SETD1A: variants seen among roughly 807,000 people sequenced by gnomAD.
SETD1A encodes the protein histone-lysine N-methyltransferase SETD1A.
SETD1A carries 29 observed loss-of-function variants against 149.9 expected under a neutral mutation model. The observed-to-expected ratio is 0.19, with a 90% CI of 0.14 to 0.26. The LOEUF (loss-of-function observed/expected upper bound fraction) is 0.26. Ranked by LOEUF, SETD1A falls within the 10% of genes least tolerant of loss-of-function variation. The pLI is 1.00. For missense variants in SETD1A, 2,109 were observed against 2,353.1 expected, an observed-to-expected ratio of 0.90 and a Z score of 2.15; for synonymous variants, 1,141 against 968.5, an observed-to-expected ratio of 1.18 and a Z score of -3.31.
At chr16:30,981,259 C>G (rs898958205) in intron 17 of SETD1A, 79 bp downstream of exon 17, 1 of 1,566,324 alleles carries the variant, frequency 6.4e-7, no homozygotes, top group Non-Finnish European at 8.7e-7. Flanking sequence ...GCTGTTTGTC[C>G]GGTTAAAGCC....
In SETD1A at chr16:30,965,676, A is replaced by T. The variant is rs1567353200; in HGVS notation, c.1795A>T (p.Thr599Ser). Residue 599 changes from threonine to serine, a missense_variant, in exon 8 of 19, where the codon ACG (threonine) becomes TCG (serine). By Grantham distance (58) the Thr-to-Ser change is moderately conservative. Coordinates refer to ENST00000262519, the MANE Select transcript of SETD1A (RefSeq NM_014712.3). ...GGGTGGCTCACCCCCTCCGGCCCCG[A>T]CGCCCCCTCAGCAGCCTCCGCCACC... Reference protein sequence around the residue: ...DRGGSPPPAPTPPQQPPPPPP... With the variant: ...DRGGSPPPAPSPPQQPPPPPP... 1.5e-6 allele frequency: 2 copies of T among 1,299,704 alleles called. No individual in the cohort carries two copies. The highest frequency in any genetic ancestry group is 8.1e-5 in the East Asian group (2 of 24,602). The allele number at this position is 1,299,704 out of a possible 1,614,324, so 80.5% of individuals were successfully genotyped here. A position where few individuals can be genotyped will look rare whatever the true frequency, so the allele number is the denominator to read the frequency against.
intron 3 of SETD1A, among the ~76,000 whole-genome samples, chr16:30,960,963 G>C (rs112253515): frequency 2.4e-3 from 366 of 151,702 alleles, no homozygotes; most frequent in African/African-American, 8.5e-3. Flanking sequence ...GGCTGGTCTT[G>C]AACTCCTGAC....
Position 30,975,096 on chromosome 16 carries a change from C to T in SETD1A, c.3358+3377C>T, listed in dbSNP as rs535924011. The stretch of plus-strand genomic sequence containing the variant: ...CGGGGAAGCAGAAGTAGCCATGAGC[C>T]GAGATCGTGCCACTGCACTCCAGCC... On this transcript the variant is annotated intron_variant, in intron 13 of 18. Coordinates refer to ENST00000262519, the MANE Select transcript of SETD1A (RefSeq NM_014712.3). Among the ~76,000 whole-genome samples the T allele has an allele frequency of 5.3e-5, 8 of 151,650 alleles. No individual in the cohort carries two copies. The East Asian group carries it at 7.8e-4, about 15-fold the overall frequency.
chr16:30,981,235 G>A, intron 17 of SETD1A, 55 bp downstream of exon 17: 2 of 1,604,406 alleles, frequency 1.2e-6, no homozygotes, highest in East Asian at 2.2e-5. Flanking sequence ...GACAGCATGG[G>A]GGCTCACACA....
At chr16:30,958,516 A>G (rs2055998445) in intron 1 of SETD1A, 1 of 579,702 alleles carries the variant, frequency 1.7e-6, no homozygotes, top group Non-Finnish European at 3.1e-6. Context: ...CTGACAGTAG[A>G]GTTGGGAGGT....
Position 30,967,455 on chromosome 16 carries a change from G to T in SETD1A, c.2683-46G>T, listed in dbSNP as rs112091682. On this transcript the variant is annotated intron_variant, in intron 9 of 18. Transcript: ENST00000262519. ...AGGAGTGAGCCACCGTGCTCTGCCT[G>T]AGTGTTTGAGCTCTAAACAGGCCCC... is the stretch of plus-strand genomic sequence containing the variant. The T allele has an allele frequency of 3.2e-5, 50 of 1,565,982 alleles. No individual in the cohort carries two copies. In the African/African-American group the frequency reaches 4.1e-4, roughly 13 times the overall value.
At chr16:30,976,006 C>T (rs1451819366) in intron 13 of SETD1A, among the ~76,000 whole-genome samples, 2 of 151,814 alleles carry the variant, frequency 1.3e-5, no homozygotes, top group Admixed American at 6.6e-5. Context: ...TTATACCCTT[C>T]GGTGGGGAGG....
In SETD1A at chr16:30,966,031, C is replaced by A. The variant is rs201417801; in HGVS notation, c.2150C>A (p.Pro717Gln). The A allele has an allele frequency of 6.4e-7, 1 of 1,565,662 alleles. No homozygotes were observed. ...GGGGCCTTTGGGGAGGCCTTCCTCC[C>A]GTTTCCACCCCCGCAGGAGGCAGCC... ...PGGAFGEAFL[P>Q]FPPPQEAAYG... is the part of the protein sequence containing the mutation. Residue 717 changes from proline to glutamine, a missense_variant, in exon 8 of 19, where the codon CCG becomes CAG. By Grantham distance (76) the Pro-to-Gln change is moderately conservative. Around this residue, in one of 8 missense-constraint regions of SETD1A, gnomAD observed 431 missense variants for 388.6 expected, o/e 1.11. Transcript: ENST00000262519.
Position 30,967,502 on chromosome 16 carries a change from T to G in SETD1A, c.2684T>G (p.Val895Gly). ...RGALRLPSFK[V>G]KRKEPSEISE... ...CCCCATCTTTTCCCCATCCCCCAGG[T>G]AAAGCGGAAAGAGCCATCGGAAATT... The change falls in exon 10 of 19, where the codon GTA becomes GGA. Residue 895 changes from valine (V) to glycine (G), a missense_variant and splice_region_variant. Physicochemically the swap from Val to Gly is moderately radical, Grantham distance 109. Coordinates refer to ENST00000262519, the MANE Select transcript of SETD1A (RefSeq NM_014712.3). The G allele has an allele frequency of 1.2e-6, 2 of 1,613,596 alleles. No individual in the cohort carries two copies. The highest frequency in any genetic ancestry group is 1.7e-6 in the Non-Finnish European group (2 of 1,179,766).
rs1192265472 is a variant in SETD1A at position 30,964,252 on chromosome 16, G to T, written c.798G>T (p.Gln266His). ...CTTCCTTTGGCCAGTTCACACCTCA[G>T]TCCTCCCAAGGAACCCCCTACACGT... is the stretch of plus-strand genomic sequence containing the variant. Reference protein sequence around the residue: ...TPSSFGQFTPQSSQGTPYTSR... With the variant: ...TPSSFGQFTPHSSQGTPYTSR... Residue 266 changes from glutamine (Q) to histidine (H), a missense_variant, in exon 6 of 19, where the codon CAG becomes CAT. By Grantham distance (24) the Gln-to-His change is conservative. Around this residue, in one of 8 missense-constraint regions of SETD1A, gnomAD observed 410 missense variants for 394.8 expected, o/e 1.04. Coordinates refer to ENST00000262519, the MANE Select transcript of SETD1A (RefSeq NM_014712.3). 1.2e-6 allele frequency: 2 copies of T among 1,613,822 alleles called. No individual in the cohort carries two copies. Among genetic ancestry groups the T allele is most frequent in the Non-Finnish European group, 1.7e-6 (2 of 1,179,970 alleles).
chr16:30,960,051 C>T (rs749004982), intron 3 of SETD1A, among the ~76,000 whole-genome samples: 2 of 152,206 alleles, frequency 1.3e-5, no homozygotes, highest in Admixed American at 6.6e-5. Flanking sequence ...CCTTTTCTCT[C>T]TCAGTTGGTC....
At position 30,971,784 on chromosome 16, in the gene SETD1A, G is replaced by C; in HGVS notation, c.3358+65G>C. ...TGAGAGAGAGAGAGAAAACAGTGGT[G>C]CTTGCATTTATTGTGTACAAGTGTG... On this transcript the variant is annotated intron_variant, in intron 13 of 18. Coordinates refer to ENST00000262519, the MANE Select transcript of SETD1A (RefSeq NM_014712.3). The C allele has an allele frequency of 4.7e-6, 7 of 1,495,152 alleles. No individual in the cohort carries two copies. The South Asian group carries it at 9.5e-5, about 20-fold the overall frequency. 92.6% of individuals were successfully genotyped at this position (1,495,152 alleles called of 1,614,324 possible). A position where few individuals can be genotyped will look rare whatever the true frequency, so the allele number is the denominator to read the frequency against.
At chr16:30,967,993 T>A (rs1311299547) in intron 10 of SETD1A, among the ~76,000 whole-genome samples, 1 of 152,176 alleles carries the variant, frequency 6.6e-6, no homozygotes, top group Non-Finnish European at 1.5e-5. Context: ...TTGAGTCAGA[T>A]CTGCTTCCCT....
At position 30,961,573 on chromosome 16, in the gene SETD1A, T is replaced by A. The variant is rs1286291935; in HGVS notation, c.517+36T>A. 2 of 1,604,150 alleles carry A rather than the reference T, an allele frequency of 1.2e-6. No homozygotes were observed. The highest frequency in any genetic ancestry group is 1.8e-5 in the Admixed American group (1 of 57,040). On this transcript the variant is annotated intron_variant, in intron 4 of 18. Transcript: ENST00000262519. The surrounding 1 kb of genome is among the most constrained non-coding windows in gnomAD (Gnocchi z 4.0). Reference sequence around the variant, plus strand: ...CTCTGCCTGCCACTCAGGCTTGGCCTCCAGCGGAGGTTGTACATGCAAATG... The same window carrying A: ...CTCTGCCTGCCACTCAGGCTTGGCCACCAGCGGAGGTTGTACATGCAAATG...
Position 30,979,994 on chromosome 16 carries a change from C to CG in SETD1A, c.4208_4209insG (p.Pro1404SerfsTer17). The CG allele has an allele frequency of 1.1e-5, 17 of 1,486,916 alleles. No homozygotes were observed. Among genetic ancestry groups the CG allele is most frequent in the Non-Finnish European group, 1.5e-5 (17 of 1,121,786 alleles). 92.1% of individuals were successfully genotyped at this position (1,486,916 alleles called of 1,614,324 possible). On this transcript the variant is annotated frameshift_variant, in exon 14 of 19. Transcript: ENST00000262519. LOFTEE classifies it high-confidence loss of function. The stretch of plus-strand genomic sequence containing the variant: ...CGCTCCCACGCCCGGCGCCGCCGCC[C>CG]TCCGCCCCCACCCCCGCCGCCACCG...
chr16:30,969,562 G>A (rs973085764), intron 11 of SETD1A, 40 bp from the exon 12 acceptor site: 2 of 1,605,060 alleles, frequency 1.2e-6, no homozygotes, highest in East Asian at 2.2e-5. Context: ...AGGACCAGTT[G>A]TCCCCTTCCT....
In SETD1A at chr16:30,969,466, A is replaced by T; in HGVS notation, c.2928+4A>T. ...CCAGGAGTCCTCCTCGGAGAAGGTG[A>T]GGGCCCGGGCGCCGGCTCCTGGCCG... On this transcript the variant is annotated splice_donor_region_variant and intron_variant, in intron 11 of 18. Coordinates refer to ENST00000262519, the MANE Select transcript of SETD1A (RefSeq NM_014712.3). The T allele has an allele frequency of 6.2e-7, 1 of 1,607,372 alleles. No individual in the cohort carries two copies. The highest frequency in any genetic ancestry group is 8.5e-7 in the Non-Finnish European group (1 of 1,176,658).
chr16:30,971,157 G>A (rs1298769855), intron 12 of SETD1A, among the ~76,000 whole-genome samples: 2 of 152,182 alleles, frequency 1.3e-5, no homozygotes, highest in South Asian at 2.1e-4. Context: ...TTTCCTTTTC[G>A]GGCCTCTTCA....
rs201102613 is a variant in SETD1A at position 30,965,306 on chromosome 16, G to A, written c.1564G>A (p.Gly522Arg). The A allele has an allele frequency of 4.3e-5, 70 of 1,614,214 alleles. 1 individual carries two copies. The African/African-American group carries it at 8.3e-4, about 19-fold the overall frequency. Residue 522 changes from glycine (G) to arginine (R), a missense_variant, in exon 7 of 19, where the codon GGG (glycine) becomes AGG (arginine). Coordinates refer to ENST00000262519, the MANE Select transcript of SETD1A (RefSeq NM_014712.3). ...EEEENSSMVL[G>R]ARDTGSEVPS... is the part of the protein sequence containing the mutation. The stretch of plus-strand genomic sequence containing the variant: ...GGAAGAGAACAGCAGCATGGTCCTT[G>A]GGGCCAGAGATACAGGGAGTGAGGT...
Sources: gnomAD v4.1 joint callset for allele counts (sites outside exome capture counted in the v4.1 genomes callset) on GRCh38, gnomAD v4.1.1 for gene constraint, gnomAD v4.1.1 regional missense constraint, Gnocchi (gnomAD v3.1) non-coding constraint, MANE v1.5 for transcripts, NCBI Gene and HGNC (gene_info 2026-07-23, HGNC 2026-07-21) for gene names.